CSMD2: variants seen among roughly 807,000 people sequenced by gnomAD.
The protein encoded by CSMD2 is CUB and sushi domain-containing protein 2.
A neutral mutation model predicts 398.5 loss-of-function variants in CSMD2; 130 were observed. That is an observed-to-expected ratio of 0.33 (90% confidence interval 0.28 to 0.38). The LOEUF is 0.38. CSMD2 is among the 10% of genes least tolerant of loss of function. The probability of loss-of-function intolerance (pLI) is 1.00; values close to 1 mark genes in which losing one functional copy is unlikely to be tolerated. For synonymous variants in CSMD2, 1,828 were observed against 1,908.5 expected, an observed-to-expected ratio of 0.96 and a Z score of 1.10; for missense variants, 3,829 against 4,764.9, an observed-to-expected ratio of 0.80 and a Z score of 5.78.
intron 57 of CSMD2, among the ~76,000 whole-genome samples, chr1:33,544,763 C>CTA (rs1325627514): frequency 6.6e-6 from 1 of 151,022 alleles, no homozygotes; most frequent in East Asian, 1.9e-4. Flanking sequence ...AGTAGGGAGA[C>CTA]TATAGTCAAA....
intron 6 of CSMD2, among the ~76,000 whole-genome samples, chr1:33,835,822 C>G (rs1570195218): frequency 6.6e-6 from 1 of 151,638 alleles, no homozygotes; most frequent in African/African-American, 2.4e-5. Flanking sequence ...CATCCTTTAG[C>G]TCATCATAGT....
At chr1:33,530,626 A>C (rs1206431778) in intron 64 of CSMD2, among the ~76,000 whole-genome samples, 2 of 152,218 alleles carry the variant, frequency 1.3e-5, no homozygotes, top group African/African-American at 4.8e-5. Flanking sequence ...CAGTAAGTCA[A>C]AGAGATATCT....
At chr1:34,028,926 C>T (rs1650057848) in intron 3 of CSMD2, among the ~76,000 whole-genome samples, 1 of 152,154 alleles carries the variant, frequency 6.6e-6, no homozygotes, top group Admixed American at 6.5e-5. Flanking sequence ...GGCTGACACT[C>T]ATCACCTGAC....
At chr1:34,125,129 T>G (rs1662603146) in intron 1 of CSMD2, among the ~76,000 whole-genome samples, 1 of 152,044 alleles carries the variant, frequency 6.6e-6, no homozygotes, top group Non-Finnish European at 1.5e-5. Context: ...GAGTGACAAA[T>G]CCCTCTATAG....
At chr1:33,919,642 C>T (rs898554279) in intron 4 of CSMD2, among the ~76,000 whole-genome samples, 1 of 152,130 alleles carries the variant, frequency 6.6e-6, no homozygotes, top group Non-Finnish European at 1.5e-5. Context: ...GTAGGGCCAG[C>T]ACTACAATGT....
intron 1 of CSMD2, among the ~76,000 whole-genome samples, chr1:34,117,668 C>T (rs1455211108): frequency 1.3e-5 from 2 of 150,820 alleles, no homozygotes; most frequent in Admixed American, 6.6e-5. Flanking sequence ...AGAAAACAAA[C>T]AAACAAAAAC....
chr1:33,842,239 A>C (rs537437105), intron 6 of CSMD2, among the ~76,000 whole-genome samples: 19 of 152,318 alleles, frequency 1.2e-4, no homozygotes, highest in African/African-American at 4.3e-4. Context: ...GGTTTACCAG[A>C]AATACATTTG....
At chr1:34,035,658 C>G (rs1483512490) in intron 2 of CSMD2, among the ~76,000 whole-genome samples, 1 of 144,192 alleles carries the variant, frequency 6.9e-6, no homozygotes, top group African/African-American at 2.7e-5. Flanking sequence ...TTTCAACACC[C>G]GTTTGTAGTT....
At chr1:33,685,841 T>C (rs570027551) in intron 25 of CSMD2, among the ~76,000 whole-genome samples, 2 of 152,352 alleles carry the variant, frequency 1.3e-5, no homozygotes, top group African/African-American at 4.8e-5. Flanking sequence ...CCCACTAGAA[T>C]GTGAACTCTT....
At chr1:33,889,690 C>T (rs868302153) in intron 5 of CSMD2, among the ~76,000 whole-genome samples, 22 of 151,256 alleles carry the variant, frequency 1.5e-4, no homozygotes, top group Middle Eastern at 6.8e-3. Context: ...ACATATTTAA[C>T]GTAGACATTT....
At chr1:33,893,343 C>A (rs1222867322) in intron 5 of CSMD2, among the ~76,000 whole-genome samples, 3 of 152,176 alleles carry the variant, frequency 2.0e-5, no homozygotes, top group African/African-American at 7.2e-5. Context: ...CTAAGATTGC[C>A]CAGTGGAACT....
chr1:34,121,890 G>C (rs1440703213), intron 1 of CSMD2, among the ~76,000 whole-genome samples: 1 of 151,980 alleles, frequency 6.6e-6, no homozygotes, highest in East Asian at 1.9e-4. Flanking sequence ...CACTATTGCT[G>C]CTGAGCGTCT....
chr1:33,739,200 T>C lies in CSMD2; in HGVS notation c.2308A>G (p.Ile770Val), dbSNP rs1195332516. ...CTGCCCTCCTTCAGGACGCAGGTGA[T>C]GGTCTCTGAGCCCTGAGTCCCAAGG... ...GFLGTQGSET[I>V]TCVLKEGSVV... Residue 770 changes from isoleucine to valine, a missense_variant, in exon 15 of 71, where the codon ATC (isoleucine) becomes GTC (valine). Ile to Val is a conservative substitution (Grantham distance 29, BLOSUM62 3). Transcript: ENST00000373381. The C allele has an allele frequency of 6.2e-7, 1 of 1,614,092 alleles. No individual in the cohort carries two copies. The highest frequency in any genetic ancestry group is 8.5e-7 in the Non-Finnish European group (1 of 1,180,042).
chr1:33,954,443 A>G (rs1195634647), intron 3 of CSMD2, among the ~76,000 whole-genome samples: 1 of 151,934 alleles, frequency 6.6e-6, no homozygotes, highest in Non-Finnish European at 1.5e-5. Flanking sequence ...GGCCATCCAA[A>G]TACCCACAAT....
intron 5 of CSMD2, among the ~76,000 whole-genome samples, chr1:33,907,311 T>G (rs1643158838): frequency 6.6e-6 from 1 of 151,186 alleles, no homozygotes; most frequent in South Asian, 2.1e-4. Context: ...GTATTTTTAG[T>G]AGAGACGGGG....
At chr1:33,546,464 G>A (rs764877394) in intron 56 of CSMD2, among the ~76,000 whole-genome samples, 5 of 152,308 alleles carry the variant, frequency 3.3e-5, no homozygotes, top group Middle Eastern at 3.4e-3. Context: ...CAGAGGAAAG[G>A]CTCTGTGGCC....
chr1:33,564,730 A>G (rs1448228081), intron 53 of CSMD2, among the ~76,000 whole-genome samples: 1 of 152,172 alleles, frequency 6.6e-6, no homozygotes. Flanking sequence ...AACCCTTAAG[A>G]AGTTATTAAG....
At chr1:33,894,597 G>T (rs1480479067) in intron 5 of CSMD2, among the ~76,000 whole-genome samples, 2 of 152,166 alleles carry the variant, frequency 1.3e-5, no homozygotes, top group Non-Finnish European at 2.9e-5. Flanking sequence ...CCCCCATTGT[G>T]GTAGCTGGTA....
At chr1:33,985,150 T>C (rs1174937465) in intron 3 of CSMD2, among the ~76,000 whole-genome samples, 1 of 152,194 alleles carries the variant, frequency 6.6e-6, no homozygotes, top group Non-Finnish European at 1.5e-5. Flanking sequence ...AGCAGGTCGA[T>C]GGAGGGGAAG....
Sources: gnomAD v4.1 joint callset for allele counts (sites outside exome capture counted in the v4.1 genomes callset) on GRCh38, gnomAD v4.1.1 for gene constraint, MANE v1.5 for transcripts, NCBI Gene and HGNC (gene_info 2026-07-23, HGNC 2026-07-21) for gene names.